The following DNAJC2 variants were observed in gnomAD, a reference collection of about 807,000 sequenced individuals.
The protein encoded by DNAJC2 is DnaJ heat shock protein family (Hsp40) member C2, also known as dnaJ homolog subfamily C member 2.
Under a neutral mutation model 94.0 loss-of-function variants are expected in DNAJC2, and 32 were observed. That is an observed-to-expected ratio of 0.34 (90% CI 0.26 to 0.46). The LOEUF (loss-of-function observed/expected upper bound fraction) is 0.46, where lower values mean the gene tolerates loss of function less well. Among genes scored for constraint, DNAJC2 ranks in the 20% least tolerant of loss-of-function variants. DNAJC2 has a pLI of 1.00. For missense variants in DNAJC2, 550 were observed against 719.5 expected, an observed-to-expected ratio of 0.76 and a Z score of 2.69; for synonymous variants, 210 against 229.7, an observed-to-expected ratio of 0.91 and a Z score of 0.77.
chr7:103,344,253 T>C (rs952934888), intron 1 of DNAJC2: 19 of 417,212 alleles, frequency 4.6e-5, no homozygotes, highest in Non-Finnish European at 2.1e-5. Flanking sequence ...AGGAGATGCT[T>C]ATGAGAACCT....
chr7:103,315,828 C>T lies in DNAJC2; in HGVS notation c.1572G>A (p.Lys524=), dbSNP rs1818020684. 2 of 1,613,690 alleles carry T rather than the reference C, an allele frequency of 1.2e-6. No individual in the cohort carries two copies. Among genetic ancestry groups the T allele is most frequent in the South Asian group, 1.1e-5 (1 of 91,046 alleles). The part of the protein sequence containing the change: ...KDDINKKAFD[K]FKKEHGVVPQ... ...GTACCACTCCATGTTCTTTTTTGAA[C>T]TTATCAAATGCCTTTTTATTTATGT... Residue 524 remains lysine, a synonymous_variant, in exon 15 of 17, where the codon AAG becomes AAA. Transcript: ENST00000379263.
In DNAJC2 at chr7:103,341,310, C is replaced by T. The variant is rs1819364595; in HGVS notation, c.255+454G>A. On this transcript the variant is annotated intron_variant, in intron 2 of 16. Transcript: ENST00000379263. ...ACTGTCCCAAAAATAAATTTTAATT[C>T]CTTCTTTAGCATGGTATAAAAAGGA... is the stretch of plus-strand genomic sequence containing the variant. 2.6e-5 allele frequency among the ~76,000 whole-genome samples: 4 copies of T among 152,154 alleles called. No homozygotes were observed. In the South Asian group the frequency reaches 8.3e-4, roughly 31 times the overall value.
intron 15 of DNAJC2, chr7:103,313,453 C>T: frequency 1.0e-6 from 1 of 984,820 alleles, no homozygotes; most frequent in Non-Finnish European, 1.2e-6. Context: ...AACACAACCA[C>T]AATTCATTAA....
chr7:103,315,711 A>T, intron 15 of DNAJC2, 53 bp downstream of exon 15: 2 of 1,230,620 alleles, frequency 1.6e-6, no homozygotes, highest in Non-Finnish European at 2.4e-6. Flanking sequence ...TGTACGTCCA[A>T]GCAGCACAGA....
chr7:103,336,854 T>C (rs556317217), intron 3 of DNAJC2: 1 of 152,366 alleles, frequency 6.6e-6, no homozygotes, highest in Admixed American at 6.5e-5. Context: ...TTTTCCTAAA[T>C]GTAAGCAGTA....
At position 103,317,018 on chromosome 7, in the gene DNAJC2, C is replaced by A; in HGVS notation, c.1243-4G>T. 1 of 1,611,092 alleles carries A rather than the reference C, an allele frequency of 6.2e-7. No homozygotes were observed. Among genetic ancestry groups the A allele is most frequent in the Non-Finnish European group, 8.5e-7 (1 of 1,178,882 alleles). ...TTTGCTCATTTATTTCTTCTATCTGCACAAATATCATAAGTCAGGGACTTA... is the reference window on the plus strand; with the variant it reads ...TTTGCTCATTTATTTCTTCTATCTGAACAAATATCATAAGTCAGGGACTTA... On this transcript the variant is annotated splice_polypyrimidine_tract_variant and splice_region_variant and intron_variant, in intron 12 of 16. Transcript: ENST00000379263.
chr7:103,337,050 G>GT (rs1819201562), intron 3 of DNAJC2: 1 of 152,150 alleles, frequency 6.6e-6, no homozygotes, highest in South Asian at 2.1e-4. Context: ...ATTCTCTAGA[G>GT]TGGAGGGCAG....
chr7:103,319,813 T>A lies in DNAJC2; in HGVS notation c.1115A>T (p.Glu372Val), dbSNP rs1315927378. ...TWNHFSDNEA[E>V]RVKMMEEVEK... ...CACTTCTTCCATCATTTTAACCCGC[T>A]CTGCCTCATTATCAGAAAAATGATT... is the stretch of plus-strand genomic sequence containing the variant. The change falls in exon 11 of 17, where the codon GAG becomes GTG. Residue 372 changes from glutamate to valine, a missense_variant. Around this residue, in one of 2 missense-constraint regions of DNAJC2, gnomAD observed 271 missense variants for 302.6 expected, o/e 0.90. Transcript: ENST00000379263. 8 of 1,614,064 alleles carry A rather than the reference T, an allele frequency of 5.0e-6. No individual in the cohort carries two copies. Among genetic ancestry groups the A allele is most frequent in the Non-Finnish European group, 6.8e-6 (8 of 1,180,038 alleles).
rs1819426216 is a variant in DNAJC2 at position 103,342,698 on chromosome 7, T to A, written c.65-744A>T. Among the ~76,000 whole-genome samples, 3 of 150,560 alleles carry A rather than the reference T, an allele frequency of 2.0e-5. No homozygotes were observed. In the South Asian group the frequency reaches 6.3e-4, roughly 32 times the overall value. On this transcript the variant is annotated intron_variant, in intron 1 of 16. Transcript: ENST00000379263. The stretch of plus-strand genomic sequence containing the variant: ...ATCTTGGCTCACTGAAAGCTCCGCC[T>A]CCCGGGTTCAAGCGATTCTCCTGCC...
intron 15 of DNAJC2, 138 bp downstream of exon 15, chr7:103,315,626 G>A: frequency 1.7e-6 from 1 of 575,736 alleles, no homozygotes. Context: ...TCTTTGCCCT[G>A]GAAATGTTTG....
At chr7:103,331,752 G>T (rs1331181957) in intron 3 of DNAJC2, among the ~76,000 whole-genome samples, 1 of 152,104 alleles carries the variant, frequency 6.6e-6, no homozygotes, top group Non-Finnish European at 1.5e-5. Flanking sequence ...CAACTAGTCT[G>T]CTGATGGACA....
chr7:103,344,537 C>G (rs759265852), intron 1 of DNAJC2, 22 bp downstream of exon 1: 93 of 1,613,550 alleles, frequency 5.8e-5, no homozygotes, highest in Non-Finnish European at 7.0e-5. Context: ...TGAGAAGGAA[C>G]CGAGGTTGGG....
At chr7:103,324,456 A>G (rs1222379083) in intron 6 of DNAJC2, 26 bp downstream of exon 6, 1 of 1,447,000 alleles carries the variant, frequency 6.9e-7, no homozygotes, top group Non-Finnish European at 9.3e-7. Flanking sequence ...AAATGACAGC[A>G]TCATACAAAC....
chr7:103,323,998 T>TA (rs1554568052), intron 6 of DNAJC2, among the ~76,000 whole-genome samples: 1 of 152,220 alleles, frequency 6.6e-6, no homozygotes. Context: ...CATCTCCAGT[T>TA]TGTATCCTCT....
At chr7:103,344,196 C>G (rs1392459296) in intron 1 of DNAJC2, 1 of 276,414 alleles carries the variant, frequency 3.6e-6, no homozygotes, top group African/African-American at 2.2e-5. Flanking sequence ...TTGTACGACC[C>G]CAGGCACGTG....
At chr7:103,321,596 C>T (rs562539416) in intron 10 of DNAJC2, among the ~76,000 whole-genome samples, 1 of 151,806 alleles carries the variant, frequency 6.6e-6, no homozygotes, top group African/African-American at 2.4e-5. Context: ...GCCTGTAGTC[C>T]CAGCACTTTG....
intron 1 of DNAJC2, 137 bp downstream of exon 1, chr7:103,344,422 G>A (rs1420000999): frequency 1.1e-6 from 1 of 889,516 alleles, no homozygotes; most frequent in Non-Finnish European, 1.8e-6. Context: ...GGAGCAAAAA[G>A]GCACTCGTCA....
chr7:103,312,841 G>T (rs1817828804), intron 16 of DNAJC2, 106 bp downstream of exon 16: 6 of 1,523,808 alleles, frequency 3.9e-6, no homozygotes, highest in Non-Finnish European at 5.3e-6. Flanking sequence ...TACTGGTTTT[G>T]AAATAAGCAC....
At chr7:103,337,139 T>C (rs1289222636) in intron 3 of DNAJC2, 2 of 152,278 alleles carry the variant, frequency 1.3e-5, no homozygotes, top group East Asian at 3.8e-4. Flanking sequence ...GTTGAACTGA[T>C]CACGTGTATA....
Sources: gnomAD v4.1 joint callset for allele counts (sites outside exome capture counted in the v4.1 genomes callset) on GRCh38, gnomAD v4.1.1 for gene constraint, gnomAD v4.1.1 regional missense constraint, MANE v1.5 for transcripts, NCBI Gene and HGNC (gene_info 2026-07-23, HGNC 2026-07-21) for gene names.